The following REV3L variants were observed in gnomAD, a reference collection of about 807,000 sequenced individuals.
The protein encoded by REV3L is REV3 like, DNA directed polymerase zeta catalytic subunit.
REV3L carries 69 observed loss-of-function variants against 299.4 expected under a neutral mutation model. The ratio of observed to expected loss-of-function variants is 0.23; its 90% CI spans 0.19 to 0.28. The LOEUF is 0.28. Among genes scored for constraint, REV3L ranks in the 10% least tolerant of loss-of-function variants. The pLI is 1.00. For synonymous variants in REV3L, 1,238 were observed against 1,271.4 expected (o/e 0.97, Z 0.56); for missense variants, 3,128 against 3,693.8 (o/e 0.85, Z 3.97).
chr6:111,339,011 A>G (rs1033120666), intron 21 of REV3L, among the ~76,000 whole-genome samples: 3 of 152,076 alleles, frequency 2.0e-5, no homozygotes, highest in Non-Finnish European at 2.9e-5. Context: ...CAGTTTCTGT[A>G]TGTGTGAAAC....
At chr6:111,473,195 C>T (rs1460415601) in intron 1 of REV3L, among the ~76,000 whole-genome samples, 1 of 151,294 alleles carries the variant, frequency 6.6e-6, no homozygotes, top group Non-Finnish European at 1.5e-5. Context: ...TTTAACCCAA[C>T]CTATTTAGAC....
chr6:111,431,990 A>G (rs920381971), intron 1 of REV3L, among the ~76,000 whole-genome samples: 3 of 152,172 alleles, frequency 2.0e-5, no homozygotes, highest in Admixed American at 1.3e-4. Context: ...AAAAATTTCT[A>G]TTCTTTGTTT....
In REV3L at chr6:111,367,598, C is replaced by T. The variant is rs1340229033; in HGVS notation, c.6190G>A (p.Ala2064Thr). 1 of 1,614,046 alleles carries T rather than the reference C, an allele frequency of 6.2e-7. No homozygotes were observed. The highest frequency in any genetic ancestry group is 2.2e-5 in the East Asian group (1 of 44,892). ...TTATCAACATCCTCCTTGGTATGTGCTGTAGTGGGGAGTATACATGGACTT... is the reference window on the plus strand; with the variant it reads ...TTATCAACATCCTCCTTGGTATGTGTTGTAGTGGGGAGTATACATGGACTT... ...DVSPCILPTT[A>T]HTKEDVDNSQ... Residue 2064 changes from alanine (A) to threonine (T), a missense_variant, in exon 14 of 32, where the codon GCA (alanine) becomes ACA (threonine). Transcript: ENST00000368802.
chr6:111,307,382 A>G lies in REV3L; in HGVS notation c.9231T>C (p.Arg3077=). 6.2e-7 allele frequency: 1 copy of G among 1,614,074 alleles called. No homozygotes were observed. Among genetic ancestry groups the G allele is most frequent in the East Asian group, 2.2e-5 (1 of 44,878 alleles). ...GTACCTTTACAAGTTGCTCCTGTTG[A>G]CGTTCCAACTCCCGGATTTCTTGGT... is the stretch of plus-strand genomic sequence containing the variant. ...ILNQEIRELE[R]QQEQLVKICK... Residue 3077 remains arginine, a synonymous_variant, in exon 31 of 32, where the codon CGT becomes CGC. Coordinates refer to ENST00000368802, the MANE Select transcript of REV3L (RefSeq NM_001372078.1).
intron 1 of REV3L, among the ~76,000 whole-genome samples, chr6:111,470,754 C>T (rs1792102353): frequency 6.6e-6 from 1 of 152,068 alleles, no homozygotes; most frequent in African/African-American, 2.4e-5. Context: ...CCAAGGTGAG[C>T]AGATCACCTG....
At chr6:111,410,543 C>G (rs1360273672) in intron 3 of REV3L, among the ~76,000 whole-genome samples, 1 of 152,034 alleles carries the variant, frequency 6.6e-6, no homozygotes, top group Non-Finnish European at 1.5e-5. Flanking sequence ...TTGTACTCCA[C>G]GAATATGAGG....
chr6:111,483,549 C>A, upstream of REV3L: 1 of 494,192 alleles, frequency 2.0e-6, no homozygotes. Context: ...TGTTCGGGGC[C>A]GTTTTGGCGG....
intron 19 of REV3L, among the ~76,000 whole-genome samples, chr6:111,350,576 C>T (rs1427902933): frequency 6.6e-6 from 1 of 151,734 alleles, no homozygotes; most frequent in Non-Finnish European, 1.5e-5. Flanking sequence ...AGCATCTCTG[C>T]CCCCCATTCC....
At chr6:111,417,428 C>A (rs986318466) in intron 1 of REV3L, among the ~76,000 whole-genome samples, 4 of 152,130 alleles carry the variant, frequency 2.6e-5, no homozygotes, top group Admixed American at 6.5e-5. Flanking sequence ...TTTGTCTAAT[C>A]CAAACAGAGA....
chr6:111,363,228 C>G (rs1778875277), intron 16 of REV3L, among the ~76,000 whole-genome samples: 1 of 152,176 alleles, frequency 6.6e-6, no homozygotes, highest in Non-Finnish European at 1.5e-5. Context: ...ACAGAAAATA[C>G]AAGTAAATAT....
At chr6:111,411,634 T>C (rs1454683358) in intron 2 of REV3L, 80 bp from the exon 3 acceptor site, 1 of 915,632 alleles carries the variant, frequency 1.1e-6, no homozygotes, top group East Asian at 2.7e-5. Context: ...CTAATTAGAT[T>C]CAGCTGGCCA....
intron 1 of REV3L, among the ~76,000 whole-genome samples, chr6:111,471,810 T>C (rs986878883): frequency 5.3e-5 from 8 of 152,138 alleles, no homozygotes; most frequent in African/African-American, 1.9e-4. Flanking sequence ...ACAGATCCTT[T>C]TTTAACAGCA....
chr6:111,481,599 T>A (rs1793655004), intron 1 of REV3L, among the ~76,000 whole-genome samples: 1 of 152,202 alleles, frequency 6.6e-6, no homozygotes, highest in African/African-American at 2.4e-5. Flanking sequence ...AGAAACTGAC[T>A]GTAGTAATAA....
chr6:111,314,779 C>A (rs1773340343), intron 27 of REV3L, among the ~76,000 whole-genome samples: 1 of 151,466 alleles, frequency 6.6e-6, no homozygotes, highest in East Asian at 1.9e-4. Flanking sequence ...ACAAAGTTTT[C>A]ATTTCCTTAC....
intron 31 of REV3L, among the ~76,000 whole-genome samples, chr6:111,301,350 A>G (rs899286344): frequency 1.3e-5 from 2 of 151,966 alleles, no homozygotes; most frequent in Non-Finnish European, 2.9e-5. Context: ...CTGTTGTGAT[A>G]TTTTACTGCC....
upstream of REV3L, chr6:111,483,557 C>T: frequency 2.1e-6 from 1 of 484,638 alleles, no homozygotes; most frequent in Non-Finnish European, 4.0e-6. Context: ...GCCGTTTTGG[C>T]GGCTATGCAG....
chr6:111,389,879 G>C (rs1781731861), intron 6 of REV3L, among the ~76,000 whole-genome samples: 2 of 151,746 alleles, frequency 1.3e-5, no homozygotes, highest in African/African-American at 4.8e-5. Flanking sequence ...TGGGACTACA[G>C]ACGTGTGCCA....
intron 16 of REV3L, 132 bp from the exon 17 acceptor site, chr6:111,359,146 C>T (rs772429780): frequency 1.8e-4 from 110 of 595,590 alleles, no homozygotes; most frequent in Non-Finnish European, 2.7e-4. Flanking sequence ...AGTCACAGCT[C>T]AGCAGCACTC....
intron 20 of REV3L, among the ~76,000 whole-genome samples, chr6:111,345,233 T>C (rs1418862937): frequency 6.6e-6 from 1 of 151,890 alleles, no homozygotes; most frequent in African/African-American, 2.4e-5. Context: ...ATAAAGAGGA[T>C]GAAAACATGA....
Sources: allele counts gnomAD v4.1 joint callset (sites outside exome capture counted in the v4.1 genomes callset), GRCh38; gene constraint gnomAD v4.1.1; transcripts MANE v1.5; gene names NCBI Gene and HGNC (gene_info 2026-07-23, HGNC 2026-07-21).